Variants in HPSE2 observed in about 807,000 individuals in gnomAD.
The protein encoded by HPSE2 is heparanase 2 (inactive), also known as inactive heparanase-2.
A neutral mutation model predicts 60.5 loss-of-function variants in HPSE2; 38 were observed. The observed-to-expected ratio is 0.63, with a 90% CI of 0.48 to 0.82. HPSE2 has a LOEUF of 0.82. HPSE2 is among the 40% of genes least tolerant of loss of function. The probability of loss-of-function intolerance (pLI) is 0.00; values close to 1 mark genes in which losing one functional copy is unlikely to be tolerated. For synonymous variants in HPSE2, 295 were observed against 293.2 expected, an observed-to-expected ratio of 1.01 and a Z score of -0.06; for missense variants, 713 against 740.4, an observed-to-expected ratio of 0.96 and a Z score of 0.43.
chr10:98,525,301 G>GC (rs530482378), intron 9 of HPSE2, among the ~76,000 whole-genome samples: 168 of 152,322 alleles, frequency 1.1e-3, no homozygotes, highest in African/African-American at 3.8e-3. Flanking sequence ...ATGAGCCACT[G>GC]CGCTGGGCCT....
At chr10:98,797,414 C>G (rs538716951) in intron 3 of HPSE2, among the ~76,000 whole-genome samples, 1 of 152,004 alleles carries the variant, frequency 6.6e-6, no homozygotes, top group African/African-American at 2.4e-5. Context: ...TGAAGACATG[C>G]TATTTGAAAA....
chr10:99,153,140 G>A (rs1051095263), intron 2 of HPSE2, among the ~76,000 whole-genome samples: 24 of 152,230 alleles, frequency 1.6e-4, no homozygotes, highest in South Asian at 4.1e-4. Flanking sequence ...ACAGCAGTCT[G>A]AGATCAAACT....
chr10:99,277,197 A>T, the HPSE2 span, among the ~76,000 whole-genome samples: 2 of 152,234 alleles, frequency 1.3e-5, no homozygotes, highest in African/African-American at 4.8e-5. Context: ...CATCTCTATC[A>T]TATCATCTTA....
At chr10:99,218,055 T>C (rs1849193485) in intron 2 of HPSE2, among the ~76,000 whole-genome samples, 1 of 151,976 alleles carries the variant, frequency 6.6e-6, no homozygotes. Flanking sequence ...CCAGTACTTG[T>C]AACATTTAAG....
chr10:98,656,792 G>T (rs914074065), intron 6 of HPSE2, among the ~76,000 whole-genome samples: 2 of 140,472 alleles, frequency 1.4e-5, no homozygotes, highest in African/African-American at 5.4e-5. Context: ...ATGGAGTTTC[G>T]CTCCTGTTGC....
intron 4 of HPSE2, among the ~76,000 whole-genome samples, chr10:98,738,823 C>T (rs1371642812): frequency 6.6e-6 from 1 of 152,164 alleles, no homozygotes; most frequent in African/African-American, 2.4e-5. Flanking sequence ...CAGAGAACAA[C>T]TGATGCTAGA....
chr10:98,491,665 T>C (rs570965723), intron 9 of HPSE2, among the ~76,000 whole-genome samples: 2 of 152,202 alleles, frequency 1.3e-5, no homozygotes, highest in Non-Finnish European at 2.9e-5. Flanking sequence ...GATATAGTAA[T>C]AGGGATTATT....
At chr10:98,579,987 G>T (rs780915971) in intron 9 of HPSE2, among the ~76,000 whole-genome samples, 1 of 152,130 alleles carries the variant, frequency 6.6e-6, no homozygotes, top group Non-Finnish European at 1.5e-5. Context: ...GTGATTTGTG[G>T]ACTTTCATGT....
chr10:98,788,984 T>C (rs1235754884), intron 3 of HPSE2, among the ~76,000 whole-genome samples: 3 of 152,344 alleles, frequency 2.0e-5, no homozygotes, highest in Middle Eastern at 3.4e-3. Flanking sequence ...TATCCACTTC[T>C]TATCCTTCTC....
At chr10:99,251,186 A>G in the HPSE2 span, among the ~76,000 whole-genome samples, 3 of 152,218 alleles carry the variant, frequency 2.0e-5, no homozygotes, top group East Asian at 5.8e-4. Context: ...ACAGAAATAC[A>G]AAAGATCCTC....
At chr10:98,809,196 C>G (rs562427627) in intron 3 of HPSE2, among the ~76,000 whole-genome samples, 1 of 152,038 alleles carries the variant, frequency 6.6e-6, no homozygotes, top group South Asian at 2.1e-4. Flanking sequence ...GAATTTAAGA[C>G]ATAACAATGT....
intron 3 of HPSE2, among the ~76,000 whole-genome samples, chr10:98,765,264 A>G (rs1950095013): frequency 6.6e-6 from 1 of 152,208 alleles, no homozygotes; most frequent in African/African-American, 2.4e-5. Flanking sequence ...CTGGGCCATA[A>G]CTTAAGCAAA....
chr10:99,213,496 C>T (rs2133913638), intron 2 of HPSE2, among the ~76,000 whole-genome samples: 1 of 152,162 alleles, frequency 6.6e-6, no homozygotes, highest in East Asian at 1.9e-4. Flanking sequence ...ACAAAAAACA[C>T]CATTTTCTTT....
At chr10:98,640,514 A>C (rs1946611036) in intron 7 of HPSE2, among the ~76,000 whole-genome samples, 2 of 152,346 alleles carry the variant, frequency 1.3e-5, no homozygotes, top group South Asian at 2.1e-4. Flanking sequence ...AATACAAAAA[A>C]GGTCAAGACC....
chr10:99,066,526 G>A (rs934361276), intron 3 of HPSE2, among the ~76,000 whole-genome samples: 1 of 152,176 alleles, frequency 6.6e-6, no homozygotes, highest in African/African-American at 2.4e-5. Context: ...AATCATGGCA[G>A]AAGGCAAATG....
intron 3 of HPSE2, among the ~76,000 whole-genome samples, chr10:98,981,514 G>T (rs892537181): frequency 9.2e-5 from 14 of 152,102 alleles, no homozygotes; most frequent in African/African-American, 3.1e-4. Flanking sequence ...TGAAAAGTTG[G>T]CATGATATAT....
At chr10:99,197,710 C>G (rs1848448137) in intron 2 of HPSE2, among the ~76,000 whole-genome samples, 2 of 152,094 alleles carry the variant, frequency 1.3e-5, no homozygotes, top group Non-Finnish European at 2.9e-5. Flanking sequence ...GAGAATATAT[C>G]ATTTTCATAG....
chr10:98,947,462 T>C (rs963163549), intron 3 of HPSE2, among the ~76,000 whole-genome samples: 1 of 152,058 alleles, frequency 6.6e-6, no homozygotes, highest in African/African-American at 2.4e-5. Context: ...TTTTAAAAAG[T>C]CAAGATAACA....
intron 3 of HPSE2, among the ~76,000 whole-genome samples, chr10:99,138,793 G>A (rs1332765748): frequency 6.6e-6 from 1 of 152,122 alleles, no homozygotes; most frequent in African/African-American, 2.4e-5. Context: ...CCTAATGTAG[G>A]TGACAGGTTG....
Sources: allele counts gnomAD v4.1 joint callset (sites outside exome capture counted in the v4.1 genomes callset), GRCh38; gene constraint gnomAD v4.1.1; transcripts MANE v1.5; gene names NCBI Gene and HGNC (gene_info 2026-07-23, HGNC 2026-07-21).